ARHGEF11: variants seen among roughly 807,000 people sequenced by gnomAD.
ARHGEF11 encodes the protein Rho guanine nucleotide exchange factor 11.
A neutral mutation model predicts 193.7 loss-of-function variants in ARHGEF11; 55 were observed. The observed-to-expected ratio is 0.28, with a 90% CI of 0.23 to 0.36. ARHGEF11 has a LOEUF of 0.36. ARHGEF11 is among the 10% of genes least tolerant of loss of function. ARHGEF11 has a pLI of 1.00. For missense variants in ARHGEF11, 1,723 were observed against 2,005.6 expected, an observed-to-expected ratio of 0.86 and a Z score of 2.69; for synonymous variants, 693 against 768.0, an observed-to-expected ratio of 0.90 and a Z score of 1.62.
intron 1 of ARHGEF11, among the ~76,000 whole-genome samples, chr1:157,005,601 C>T (rs1312454365): frequency 6.6e-6 from 1 of 152,218 alleles, no homozygotes; most frequent in Non-Finnish European, 1.5e-5. Flanking sequence ...CAAAACCTTA[C>T]TTAAAACGCA....
At chr1:156,981,600 C>T (rs769064765) in intron 3 of ARHGEF11, among the ~76,000 whole-genome samples, 7 of 152,230 alleles carry the variant, frequency 4.6e-5, no homozygotes, top group South Asian at 2.1e-4. Context: ...TCTCGGCCTC[C>T]GAAGTAGCTG....
chr1:156,946,794 A>G lies in ARHGEF11; in HGVS notation c.2569-7T>C, dbSNP rs1439113143. 6.2e-7 allele frequency: 1 copy of G among 1,614,166 alleles called. No individual in the cohort carries two copies. The highest frequency in any genetic ancestry group is 8.5e-7 in the Non-Finnish European group (1 of 1,180,024). ...CTCGGGCAGGGCCATCAAACTGAAG[A>G]GGCAGAATGGACACGGGGCCAGGCA... is the stretch of plus-strand genomic sequence containing the variant. On this transcript the variant is annotated splice_region_variant and splice_polypyrimidine_tract_variant and intron_variant, in intron 27 of 40. Coordinates refer to ENST00000368194, the MANE Select transcript of ARHGEF11 (RefSeq NM_198236.3).
intron 1 of ARHGEF11, among the ~76,000 whole-genome samples, chr1:157,029,690 C>T (rs543936810): frequency 6.6e-6 from 1 of 152,128 alleles, no homozygotes; most frequent in Non-Finnish European, 1.5e-5. Flanking sequence ...AAAACCTGCA[C>T]ACAAATGTTA....
chr1:156,947,582 A>G (rs1296708099), intron 25 of ARHGEF11, 132 bp from the exon 26 acceptor site: 1 of 1,351,468 alleles, frequency 7.4e-7, no homozygotes, highest in East Asian at 2.5e-5. Flanking sequence ...CAGATCATAC[A>G]GCAACTTTTC....
chr1:156,943,722 C>G (rs1657556452), intron 32 of ARHGEF11, among the ~76,000 whole-genome samples: 2 of 152,212 alleles, frequency 1.3e-5, no homozygotes, highest in Non-Finnish European at 2.9e-5. Flanking sequence ...ACCCCTGTGC[C>G]AGGTTGTCTG....
At chr1:156,952,371 A>G (rs572790143) in intron 21 of ARHGEF11, among the ~76,000 whole-genome samples, 41 of 152,190 alleles carry the variant, frequency 2.7e-4, no homozygotes, top group Non-Finnish European at 4.6e-4. Flanking sequence ...AGGTAATGCC[A>G]ACTACAGCCC....
chr1:156,973,149 G>A (rs776803823), intron 7 of ARHGEF11, among the ~76,000 whole-genome samples: 9 of 152,142 alleles, frequency 5.9e-5, no homozygotes, highest in Non-Finnish European at 1.2e-4. Context: ...CAGGGGTCTT[G>A]AACTCTTGGC....
At chr1:156,989,227 A>T (rs763247930) in intron 1 of ARHGEF11, among the ~76,000 whole-genome samples, 261 of 152,186 alleles carry the variant, frequency 1.7e-3, no homozygotes, top group South Asian at 2.9e-3. Flanking sequence ...CTTCTCAGTT[A>T]TCCCCTACTG....
chr1:156,953,674 GTCTC>G (rs67010849), intron 21 of ARHGEF11, among the ~76,000 whole-genome samples: 1 of 151,098 alleles, frequency 6.6e-6, no homozygotes, highest in East Asian at 1.9e-4. Flanking sequence ...TCCCATTGCT[GTCTC>G]TCTCTCTCTC....
chr1:156,940,947 C>G (rs2101828593), intron 35 of ARHGEF11, among the ~76,000 whole-genome samples: 1 of 152,296 alleles, frequency 6.6e-6, no homozygotes, highest in African/African-American at 2.4e-5. Context: ...GAATGCTGTC[C>G]CCTCTACCAA....
rs78490049 is a variant in ARHGEF11 at position 157,030,389 on chromosome 1, C to T, written c.32+13910G>A. ...AGCGTGCCACTCTCCCCACCATTAA[C>T]CAATGAGGAGGCAAAGAAGAGGGAC... On this transcript the variant is annotated intron_variant, in intron 1 of 40. Coordinates refer to ENST00000368194, the MANE Select transcript of ARHGEF11 (RefSeq NM_198236.3). Among the ~76,000 whole-genome samples the T allele has an allele frequency of 5.7e-3, 873 of 152,194 alleles. 8 individuals carry two copies. Among genetic ancestry groups the T allele is most frequent in the African/African-American group, 0.02 (841 of 41,506 alleles).
At chr1:156,955,501 C>T (rs150122401) in intron 20 of ARHGEF11, among the ~76,000 whole-genome samples, 27 of 152,262 alleles carry the variant, frequency 1.8e-4, no homozygotes, top group East Asian at 5.8e-4. Context: ...GGGACCGGCA[C>T]GGCTTCCCTG....
chr1:157,020,383 T>G (rs536513987), intron 1 of ARHGEF11, among the ~76,000 whole-genome samples: 1 of 152,326 alleles, frequency 6.6e-6, no homozygotes, highest in African/African-American at 2.4e-5. Context: ...AAACATTCCC[T>G]TACTCAATTA....
chr1:156,980,127 C>A (rs1276707592), intron 4 of ARHGEF11, among the ~76,000 whole-genome samples: 1 of 152,202 alleles, frequency 6.6e-6, no homozygotes, highest in Admixed American at 6.5e-5. Context: ...AGTCTTGGAT[C>A]CTTCACTAGT....
intron 1 of ARHGEF11, among the ~76,000 whole-genome samples, chr1:156,997,619 GA>G (rs1164579834): frequency 6.6e-6 from 1 of 152,086 alleles, no homozygotes; most frequent in African/African-American, 2.4e-5. Context: ...CTGACACTGG[GA>G]GTACCCTCTA....
chr1:156,976,797 G>A (rs536479456), intron 7 of ARHGEF11, among the ~76,000 whole-genome samples, 186 bp downstream of exon 7: 45 of 152,232 alleles, frequency 3.0e-4, no homozygotes, highest in African/African-American at 1.0e-3. Flanking sequence ...CTTTATTGGT[G>A]AAATTCTGCT....
chr1:157,007,211 G>C (rs1667932805), intron 1 of ARHGEF11, among the ~76,000 whole-genome samples: 1 of 152,166 alleles, frequency 6.6e-6, no homozygotes, highest in African/African-American at 2.4e-5. Flanking sequence ...AAAGAAGTAG[G>C]AGGAAATGTG....
intron 35 of ARHGEF11, among the ~76,000 whole-genome samples, chr1:156,940,822 C>T (rs527669635): frequency 1.1e-3 from 164 of 152,140 alleles, no homozygotes; most frequent in African/African-American, 3.8e-3. Flanking sequence ...GGAGGTGTGG[C>T]GTTAGGAGGA....
rs1207201630 is a variant in ARHGEF11 at position 156,941,366 on chromosome 1, C to T, written c.3514+6G>A. 1.2e-6 allele frequency: 2 copies of T among 1,613,004 alleles called. No individual in the cohort carries two copies. Among genetic ancestry groups the T allele is most frequent in the East Asian group, 2.2e-5 (1 of 44,840 alleles). On this transcript the variant is annotated splice_donor_region_variant and intron_variant, in intron 35 of 40. Coordinates refer to ENST00000368194, the MANE Select transcript of ARHGEF11 (RefSeq NM_198236.3). ...TGGCTCCCACAGGACAGTTCAGGGC[C>T]CTTACCTCCAGGCAGCTCCTCAGGT...
Sources: allele counts gnomAD v4.1 joint callset (sites outside exome capture counted in the v4.1 genomes callset), GRCh38; gene constraint gnomAD v4.1.1; transcripts MANE v1.5; gene names NCBI Gene and HGNC (gene_info 2026-07-23, HGNC 2026-07-21).